Variants in CHD3 observed in about 807,000 individuals in gnomAD.
The protein encoded by CHD3 is chromodomain helicase DNA binding protein 3, also known as ATP-dependent chromatin remodeler CHD3.
A neutral mutation model predicts 248.9 loss-of-function variants in CHD3; 52 were observed. The ratio of observed to expected loss-of-function variants is 0.21; its 90% CI spans 0.17 to 0.26. CHD3 has a LOEUF of 0.26. Ranked by LOEUF, CHD3 falls within the 10% of genes least tolerant of loss-of-function variation. The pLI, the probability that CHD3 is intolerant of heterozygous loss-of-function variation, is 1.00. For synonymous variants in CHD3, 985 were observed against 985.2 expected (o/e 1.00, Z 0.00); for missense variants, 1,482 against 2,605.8 (o/e 0.57, Z 9.39).
rs1179730881 is a variant in CHD3, at chr17:7,908,141, T to G, written c.5152+122T>G. 8.0e-7 allele frequency: 1 copy of G among 1,252,376 alleles called. No individual in the cohort carries two copies. The highest frequency in any genetic ancestry group is 1.1e-6 in the Non-Finnish European group (1 of 898,696). The allele number at this position is 1,252,376 out of a possible 1,614,324, so 77.6% of individuals were successfully genotyped here. On this transcript the variant is annotated intron_variant, in intron 34 of 39. Transcript: ENST00000330494. This position sits in a 1 kb window ranked among gnomAD's most constrained non-coding sequence, Gnocchi z 5.8. ...CCAAGTAACTTCCAATGAAGTATGT[T>G]GCATGCTGACTCCGATCCTTGCTCT...
Position 7,902,976 on chromosome 17 carries a change from G to A in CHD3, c.3410G>A (p.Arg1137Gln). The A allele has an allele frequency of 6.2e-7, 1 of 1,614,050 alleles. No homozygotes were observed. The highest frequency in any genetic ancestry group is 8.5e-7 in the Non-Finnish European group (1 of 1,180,010). The change falls in exon 22 of 40, where the codon CGA becomes CAA. Residue 1137 changes from arginine (R) to glutamine (Q), a missense_variant. This residue lies in a region of CHD3 where 6 missense variants were observed against 77.2 expected (regional missense o/e 0.08). Transcript: ENST00000330494. ...AQQFCFLLST[R>Q]AGGLGINLAT... ...CAATTCTGCTTCCTCCTGTCCACCCGAGCTGGGGGCCTGGGCATCAATCTG... is the reference window on the plus strand; with the variant it reads ...CAATTCTGCTTCCTCCTGTCCACCCAAGCTGGGGGCCTGGGCATCAATCTG...
In CHD3 at chr17:7,895,629, CA is replaced by C; in HGVS notation, c.1707+88del. Reference sequence around the variant, plus strand: ...CTTACTCCTCTGTTTGTTGGGTTCCCATACTCTTTGTTTTCTCTCATTTCAG... The same window carrying C: ...CTTACTCCTCTGTTTGTTGGGTTCCCTACTCTTTGTTTTCTCTCATTTCAG... On this transcript the variant is annotated intron_variant, in intron 10 of 39. Coordinates refer to ENST00000330494, the MANE Select transcript of CHD3 (RefSeq NM_001005273.3). This position sits in a 1 kb window ranked among gnomAD's most constrained non-coding sequence, Gnocchi z 4.9. 8.3e-7 allele frequency: 1 copy of C among 1,209,944 alleles called. No individual in the cohort carries two copies. Among genetic ancestry groups the C allele is most frequent in the African/African-American group, 1.5e-5 (1 of 66,238 alleles). The allele number at this position is 1,209,944 out of a possible 1,614,324, so 75.0% of individuals were successfully genotyped here.
At position 7,909,177 on chromosome 17, in the gene CHD3, T is replaced by A; in HGVS notation, c.5429T>A (p.Leu1810Gln). The change falls in exon 37 of 40, where the codon CTG (leucine) becomes CAG (glutamine). Residue 1810 changes from leucine (L) to glutamine (Q), a missense_variant. Transcript: ENST00000330494. The surrounding 1 kb of genome is among the most constrained non-coding windows in gnomAD (Gnocchi z 8.1). The stretch of plus-strand genomic sequence containing the variant: ...CAGGCGCTGGTGATTGAGGAGCAGC[T>A]GCGGCGGGCGGCCTACCTGAACCTG... The part of the protein sequence containing the change: ...LEQALVIEEQ[L>Q]RRAAYLNLSQ... 6.4e-7 allele frequency: 1 copy of A among 1,550,536 alleles called. No individual in the cohort carries two copies. Among genetic ancestry groups the A allele is most frequent in the Non-Finnish European group, 8.7e-7 (1 of 1,148,086 alleles).
rs561460390 is a variant in CHD3 at position 7,903,150 on chromosome 17, A to G, written c.3495+89A>G. The G allele has an allele frequency of 5.1e-6, 8 of 1,574,752 alleles. No individual in the cohort carries two copies. The East Asian group carries it at 1.8e-4, about 35-fold the overall frequency. ...GGTGTCATGTTCCGGGGTCAGAAAT[A>G]AATCTCTTCTGGGAGGAGAGAAGGC... On this transcript the variant is annotated intron_variant, in intron 22 of 39. Transcript: ENST00000330494. The surrounding 1 kb of genome is among the most constrained non-coding windows in gnomAD (Gnocchi z 6.8).
chr17:7,891,733 T>A (rs1040087006), intron 4 of CHD3, among the ~76,000 whole-genome samples: 1 of 152,016 alleles, frequency 6.6e-6, no homozygotes, highest in Admixed American at 6.6e-5. Context: ...TGGTGGCACA[T>A]GCCTGTAATC....
chr17:7,906,063 C>T lies in CHD3; in HGVS notation c.4358+74C>T, dbSNP rs141945730. 6.1e-4 allele frequency: 963 copies of T among 1,588,160 alleles called. 8 individuals carry two copies. Among genetic ancestry groups the T allele is most frequent in the African/African-American group, 5.3e-3 (394 of 74,506 alleles). On this transcript the variant is annotated intron_variant, in intron 28 of 39. Coordinates refer to ENST00000330494, the MANE Select transcript of CHD3 (RefSeq NM_001005273.3). This position sits in a 1 kb window ranked among gnomAD's most constrained non-coding sequence, Gnocchi z 5.0. ...TGGGTGTTCCTTTCTTCCTTGGGGCCGCCATATGATGTGACCTTACTCAAC... is the reference window on the plus strand; with the variant it reads ...TGGGTGTTCCTTTCTTCCTTGGGGCTGCCATATGATGTGACCTTACTCAAC...
chr17:7,886,899 A>T (rs749592108), upstream of CHD3, among the ~76,000 whole-genome samples: 3 of 151,894 alleles, frequency 2.0e-5, no homozygotes, highest in African/African-American at 7.3e-5. The surrounding 1 kb of genome is among the most constrained non-coding windows in gnomAD (Gnocchi z 4.2). Context: ...CTTTGTGTCA[A>T]CCCGGCCTCC....
chr17:7,911,020 C>T lies in CHD3; in HGVS notation c.5881+47C>T. On this transcript the variant is annotated intron_variant, in intron 39 of 39. Coordinates refer to ENST00000330494, the MANE Select transcript of CHD3 (RefSeq NM_001005273.3). The surrounding 1 kb of genome is among the most constrained non-coding windows in gnomAD (Gnocchi z 5.4). ...CCCTGCTACTCACACTCCTCCTTTGCCAAACTTTATTTCTGCTCAGCTGCC... is the reference window on the plus strand; with the variant it reads ...CCCTGCTACTCACACTCCTCCTTTGTCAAACTTTATTTCTGCTCAGCTGCC... 6.2e-7 allele frequency: 1 copy of T among 1,607,242 alleles called. No individual in the cohort carries two copies. The highest frequency in any genetic ancestry group is 8.5e-7 in the Non-Finnish European group (1 of 1,177,952).
intron 5 of CHD3, 114 bp downstream of exon 5, chr17:7,893,683 C>T: frequency 2.0e-6 from 3 of 1,528,730 alleles, no homozygotes; most frequent in Non-Finnish European, 2.6e-6. Flanking sequence ...AGATGCTTTC[C>T]AGGAAGTGGG....
chr17:7,907,918 T>C lies in CHD3; in HGVS notation c.5051T>C (p.Leu1684Pro). Residue 1684 changes from leucine (L) to proline (P), a missense_variant, in exon 34 of 40, where the codon CTT becomes CCT. This residue lies in a region of CHD3 where 254 missense variants were observed against 266.7 expected (regional missense o/e 0.95). Coordinates refer to ENST00000330494, the MANE Select transcript of CHD3 (RefSeq NM_001005273.3). This position sits in a 1 kb window ranked among gnomAD's most constrained non-coding sequence, Gnocchi z 4.3. ...KREDVKGDRE[L>P]RPGPRDEPRS... ...GAAGATGTAAAAGGTGACCGGGAGCTTCGACCAGGGCCTCGAGATGAGCCA... is the reference window on the plus strand; with the variant it reads ...GAAGATGTAAAAGGTGACCGGGAGCCTCGACCAGGGCCTCGAGATGAGCCA... The C allele has an allele frequency of 6.2e-7, 1 of 1,612,416 alleles. No homozygotes were observed. Among genetic ancestry groups the C allele is most frequent in the South Asian group, 1.1e-5 (1 of 91,006 alleles).
chr17:7,906,423 C>A lies in CHD3; in HGVS notation c.4359-130C>A. 1.1e-6 allele frequency: 1 copy of A among 920,644 alleles called. No individual in the cohort carries two copies. Among genetic ancestry groups the A allele is most frequent in the Non-Finnish European group, 1.7e-6 (1 of 590,068 alleles). 57.0% of individuals were successfully genotyped at this position (920,644 alleles called of 1,614,324 possible). On this transcript the variant is annotated intron_variant, in intron 28 of 39. Transcript: ENST00000330494. The surrounding 1 kb of genome is among the most constrained non-coding windows in gnomAD (Gnocchi z 5.0). ...CTGGTAATGGTGAGAGTGAGAGGCC[C>A]AGGGGAGGAGCCCTGGAGCACCTGG...
At position 7,903,775 on chromosome 17, in the gene CHD3, C is replaced by T; in HGVS notation, c.3728-50C>T. Reference sequence around the variant, plus strand: ...GCAGAGTAGAAGCTTTCCCATCAGCCTTTCTAAACTTTGGAACCCAAAGTT... The same window carrying T: ...GCAGAGTAGAAGCTTTCCCATCAGCTTTTCTAAACTTTGGAACCCAAAGTT... On this transcript the variant is annotated intron_variant, in intron 23 of 39. Transcript: ENST00000330494. This position sits in a 1 kb window ranked among gnomAD's most constrained non-coding sequence, Gnocchi z 6.8. 1.3e-6 allele frequency: 2 copies of T among 1,595,192 alleles called. No homozygotes were observed. The highest frequency in any genetic ancestry group is 1.7e-6 in the Non-Finnish European group (2 of 1,165,854).
rs572269936 is a variant in CHD3, at chr17:7,903,113, T to G, written c.3495+52T>G. On this transcript the variant is annotated intron_variant, in intron 22 of 39. Coordinates refer to ENST00000330494, the MANE Select transcript of CHD3 (RefSeq NM_001005273.3). The surrounding 1 kb of genome is among the most constrained non-coding windows in gnomAD (Gnocchi z 6.8). ...GCACCATTTAGCAAGGAGATGTGGG[T>G]TCATGGAGGAGGGTGTCATGTTCCG... 15 of 1,595,746 alleles carry G rather than the reference T, an allele frequency of 9.4e-6. No individual in the cohort carries two copies. The South Asian group carries it at 1.7e-4, about 18-fold the overall frequency.
Position 7,906,466 on chromosome 17 carries a change from G to A in CHD3, c.4359-87G>A. ...GCACCTGGGGATTTGGGGGTTTGGG[G>A]GTCCTCAGTCATCCTCGCGCCTCCC... On this transcript the variant is annotated intron_variant, in intron 28 of 39. Transcript: ENST00000330494. This position sits in a 1 kb window ranked among gnomAD's most constrained non-coding sequence, Gnocchi z 5.0. The A allele has an allele frequency of 3.5e-6, 5 of 1,428,126 alleles. No individual in the cohort carries two copies. The South Asian group carries it at 4.9e-5, about 14-fold the overall frequency. The allele number at this position is 1,428,126 out of a possible 1,614,324, so 88.5% of individuals were successfully genotyped here. A position where few individuals can be genotyped will look rare whatever the true frequency, so the allele number is the denominator to read the frequency against.
Position 7,893,407 on chromosome 17 carries a change from G to A in CHD3, c.631G>A (p.Ala211Thr). 6.2e-7 allele frequency: 1 copy of A among 1,611,644 alleles called. No individual in the cohort carries two copies. Among genetic ancestry groups the A allele is most frequent in the Non-Finnish European group, 8.5e-7 (1 of 1,179,150 alleles). The change falls in exon 5 of 40, where the codon GCG (alanine) becomes ACG (threonine). Residue 211 changes from alanine (A) to threonine (T), a missense_variant. Transcript: ENST00000330494. ...CAAGGGGTCAGCAGCTGCTGTGGCG[G>A]CGGCAGCGGCAGCAGCAGCAGCAGC... ...PFKGSAAAVAAAAAAAAAAVA... is the reference protein window; with the variant it reads ...PFKGSAAAVATAAAAAAAAVA...
chr17:7,911,076 T>C lies in CHD3; in HGVS notation c.5881+103T>C. The C allele has an allele frequency of 2.0e-6, 3 of 1,505,356 alleles. No homozygotes were observed. Among genetic ancestry groups the C allele is most frequent in the East Asian group, 2.3e-5 (1 of 44,324 alleles). The allele number at this position is 1,505,356 out of a possible 1,614,324, so 93.2% of individuals were successfully genotyped here. On this transcript the variant is annotated intron_variant, in intron 39 of 39. Coordinates refer to ENST00000330494, the MANE Select transcript of CHD3 (RefSeq NM_001005273.3). The surrounding 1 kb of genome is among the most constrained non-coding windows in gnomAD (Gnocchi z 5.4). ...ACTGCTCTAGTCCATCTCATTTCCT[T>C]GGTGGTATCCGGTGTTTTATGGGAT...
rs1454997334 is a variant in CHD3, at chr17:7,895,024, C to T, written c.1377C>T (p.Cys459=). The part of the protein sequence containing the change: ...KEEEDDHMEY[C]RVCKDGGELL... ...AGGAGGATGATCACATGGAGTACTGCCGCGTATGCAAGGACGGCGGGGAGC... is the reference window on the plus strand; with the variant it reads ...AGGAGGATGATCACATGGAGTACTGTCGCGTATGCAAGGACGGCGGGGAGC... Residue 459 remains cysteine (C), a synonymous_variant, in exon 9 of 40, where the codon TGC becomes TGT. Transcript: ENST00000330494. This position sits in a 1 kb window ranked among gnomAD's most constrained non-coding sequence, Gnocchi z 4.9. 3.1e-6 allele frequency: 5 copies of T among 1,613,980 alleles called. No individual in the cohort carries two copies. The highest frequency in any genetic ancestry group is 1.3e-5 in the African/African-American group (1 of 74,896).
rs1971495407 is a variant in CHD3, at chr17:7,910,355, C to T, written c.5591-73C>T. On this transcript the variant is annotated intron_variant, in intron 37 of 39. Transcript: ENST00000330494. The surrounding 1 kb of genome is among the most constrained non-coding windows in gnomAD (Gnocchi z 4.7). ...GCCTGTATCTGTCCATCTGATGCCT[C>T]TCTTTTCCTGGCTCCATCTCTGTAT... 1.9e-6 allele frequency: 3 copies of T among 1,594,378 alleles called. No individual in the cohort carries two copies. The highest frequency in any genetic ancestry group is 2.6e-6 in the Non-Finnish European group (3 of 1,162,596).
rs1405725154 is a variant in CHD3 at position 7,910,321 on chromosome 17, T to C, written c.5591-107T>C. ...TGACATCTGTGTTCTCCTCTCTCGCTCTTTTTCTGCCTGTATCTGTCCATC... is the reference window on the plus strand; with the variant it reads ...TGACATCTGTGTTCTCCTCTCTCGCCCTTTTTCTGCCTGTATCTGTCCATC... On this transcript the variant is annotated intron_variant, in intron 37 of 39. Transcript: ENST00000330494. The surrounding 1 kb of genome is among the most constrained non-coding windows in gnomAD (Gnocchi z 4.7). 2.2e-6 allele frequency: 3 copies of C among 1,373,822 alleles called. No individual in the cohort carries two copies. Among genetic ancestry groups the C allele is most frequent in the East Asian group, 4.6e-5 (2 of 43,752 alleles). The allele number at this position is 1,373,822 out of a possible 1,614,324, so 85.1% of individuals were successfully genotyped here.
Sources: allele counts gnomAD v4.1 joint callset (sites outside exome capture counted in the v4.1 genomes callset), GRCh38; gene constraint gnomAD v4.1.1; regional missense constraint gnomAD v4.1.1; non-coding constraint Gnocchi (gnomAD v3.1); transcripts MANE v1.5; gene names NCBI Gene and HGNC (gene_info 2026-07-23, HGNC 2026-07-21).